The following SLC24A3 variants were observed in gnomAD, a reference collection of about 807,000 sequenced individuals.
The protein encoded by SLC24A3 is solute carrier family 24 member 3, also known as sodium/potassium/calcium exchanger 3.
Under a neutral mutation model 75.8 loss-of-function variants are expected in SLC24A3, and 28 were observed. The ratio of observed to expected loss-of-function variants is 0.37; its 90% CI spans 0.27 to 0.51. SLC24A3 has a LOEUF of 0.51. Among genes scored for constraint, SLC24A3 ranks in the 20% least tolerant of loss-of-function variants. The probability of loss-of-function intolerance (pLI) is 0.94; values close to 1 mark genes in which losing one functional copy is unlikely to be tolerated. For synonymous variants in SLC24A3, 372 were observed against 334.1 expected (o/e 1.11, Z -1.24); for missense variants, 663 against 847.8 (o/e 0.78, Z 2.71).
chr20:19,368,104 G>A (rs1173774189), intron 2 of SLC24A3, among the ~76,000 whole-genome samples: 1 of 151,584 alleles, frequency 6.6e-6, no homozygotes, highest in African/African-American at 2.4e-5. Flanking sequence ...GAATGTGAGT[G>A]TGTGTGTGTG....
intron 2 of SLC24A3, among the ~76,000 whole-genome samples, chr20:19,514,535 TG>T (rs764703310): frequency 1.6e-4 from 24 of 151,948 alleles, no homozygotes; most frequent in Non-Finnish European, 2.9e-5. Flanking sequence ...GGGCTGTGGG[TG>T]GGGGTGGTGT....
intron 3 of SLC24A3, 134 bp from the exon 4 acceptor site, chr20:19,579,866 T>C (rs2031194269): frequency 1.5e-6 from 1 of 659,004 alleles, no homozygotes; most frequent in Non-Finnish European, 2.7e-6. Flanking sequence ...GTTGTGGGCA[T>C]TGGAAAGACT....
chr20:19,720,928 A>T, intron 16 of SLC24A3, 63 bp from the exon 17 acceptor site: 1 of 1,591,018 alleles, frequency 6.3e-7, no homozygotes, highest in East Asian at 2.2e-5. Flanking sequence ...GGGTTCCCCT[A>T]CCAACCCCCC....
At chr20:19,711,721 C>T (rs1262457029) in intron 15 of SLC24A3, among the ~76,000 whole-genome samples, 1 of 152,212 alleles carries the variant, frequency 6.6e-6, no homozygotes, top group Admixed American at 6.5e-5. Flanking sequence ...CTCACTGCAA[C>T]CTCCGCTTCC....
intron 6 of SLC24A3, among the ~76,000 whole-genome samples, chr20:19,641,623 A>G (rs574262197): frequency 2.7e-4 from 41 of 152,166 alleles, no homozygotes; most frequent in East Asian, 7.7e-4. Flanking sequence ...TCTCACATCT[A>G]TTAGCCTCAT....
chr20:19,451,394 G>A (rs1172992801), intron 2 of SLC24A3, among the ~76,000 whole-genome samples: 1 of 152,178 alleles, frequency 6.6e-6, no homozygotes, highest in Non-Finnish European at 1.5e-5. Flanking sequence ...GCCCCGGTGG[G>A]CTTTCTTATC....
intron 4 of SLC24A3, among the ~76,000 whole-genome samples, chr20:19,581,883 C>T (rs1047107380): frequency 6.6e-6 from 1 of 152,174 alleles, no homozygotes; most frequent in African/African-American, 2.4e-5. Flanking sequence ...AGACCCACAG[C>T]GATACTGGAG....
intron 3 of SLC24A3, among the ~76,000 whole-genome samples, chr20:19,563,032 C>T (rs2030900224): frequency 6.6e-6 from 1 of 152,154 alleles, no homozygotes; most frequent in Non-Finnish European, 1.5e-5. Context: ...CTACAATGGG[C>T]ACTCAAACAT....
chr20:19,620,011 C>A (rs1434326017), intron 6 of SLC24A3, among the ~76,000 whole-genome samples: 2 of 152,130 alleles, frequency 1.3e-5, no homozygotes, highest in Non-Finnish European at 2.9e-5. Flanking sequence ...GTCACAAGAC[C>A]ACCCACCTTG....
At chr20:19,411,644 C>T (rs1280254966) in intron 2 of SLC24A3, among the ~76,000 whole-genome samples, 1 of 152,186 alleles carries the variant, frequency 6.6e-6, no homozygotes, top group Non-Finnish European at 1.5e-5. Context: ...AAATATGGAG[C>T]AACAGGGTAT....
chr20:19,505,901 C>A (rs1407131362), intron 2 of SLC24A3, among the ~76,000 whole-genome samples: 1 of 152,162 alleles, frequency 6.6e-6, no homozygotes, highest in Non-Finnish European at 1.5e-5. Flanking sequence ...GTATTGATGT[C>A]TTGGGAAACT....
chr20:19,601,355 C>A (rs911154266), intron 6 of SLC24A3, among the ~76,000 whole-genome samples: 3 of 152,156 alleles, frequency 2.0e-5, no homozygotes, highest in Non-Finnish European at 4.4e-5. Flanking sequence ...TCTTTGGTGC[C>A]CCAGTTCCCT....
intron 2 of SLC24A3, among the ~76,000 whole-genome samples, chr20:19,389,198 A>G (rs1178092437): frequency 2.6e-5 from 4 of 152,032 alleles, no homozygotes; most frequent in Non-Finnish European, 4.4e-5. Flanking sequence ...TATTGTATAT[A>G]TAGTTATTTT....
chr20:19,365,362 T>C (rs1985869225), intron 2 of SLC24A3, among the ~76,000 whole-genome samples: 1 of 152,146 alleles, frequency 6.6e-6, no homozygotes, highest in African/African-American at 2.4e-5. Context: ...TCCCAAGCCC[T>C]CCAGGTGAGC....
chr20:19,446,398 G>A (rs73128662), intron 2 of SLC24A3, among the ~76,000 whole-genome samples: 4,737 of 152,320 alleles, frequency 0.031, 114 homozygotes, highest in Non-Finnish European at 0.044. Flanking sequence ...TAAGGAAAAA[G>A]ATGTTAATTC....
intron 3 of SLC24A3, 24 bp from the exon 4 acceptor site, chr20:19,579,976 C>G (rs780912049): frequency 7.6e-6 from 12 of 1,585,984 alleles, no homozygotes; most frequent in Non-Finnish European, 1.0e-5. Flanking sequence ...CTAACTTTAA[C>G]CCCTTTTATC....
At chr20:19,696,936 AAGGAGGGAGGGAGGG>A in intron 14 of SLC24A3, 25 bp downstream of exon 14, 2 of 940,130 alleles carry the variant, frequency 2.1e-6, no homozygotes, top group Non-Finnish European at 3.1e-6. Flanking sequence ...GGCAATGGGG[AAGGAGGGAGGGAGGG>A]AGGAGGAGAG....
At chr20:19,401,133 A>G (rs1477080211) in intron 2 of SLC24A3, among the ~76,000 whole-genome samples, 3 of 152,134 alleles carry the variant, frequency 2.0e-5, no homozygotes, top group Non-Finnish European at 4.4e-5. Context: ...AAAAGAGACA[A>G]TGGTCCCAAT....
intron 3 of SLC24A3, among the ~76,000 whole-genome samples, chr20:19,577,809 C>T (rs73113933): frequency 0.015 from 2,333 of 152,292 alleles, 36 homozygotes; most frequent in Non-Finnish European, 0.025. Context: ...CTTTTAAGGG[C>T]GTCTTATTGA....
Sources: gnomAD v4.1 joint callset for allele counts (sites outside exome capture counted in the v4.1 genomes callset) on GRCh38, gnomAD v4.1.1 for gene constraint, MANE v1.5 for transcripts, NCBI Gene and HGNC (gene_info 2026-07-23, HGNC 2026-07-21) for gene names.